Variants in RTN2 observed in about 807,000 individuals in gnomAD.
RTN2 encodes the protein reticulon 2.
In RTN2, 36 loss-of-function variants were observed where a neutral mutation model predicts 63.7. The observed-to-expected ratio is 0.56, with a 90% CI of 0.43 to 0.75. RTN2 has a LOEUF of 0.75. RTN2 is among the 30% of genes least tolerant of loss of function. RTN2 has a pLI of 0.00. For synonymous variants in RTN2, 312 were observed against 313.0 expected, an observed-to-expected ratio of 1.00 and a Z score of 0.03; for missense variants, 673 against 705.1, an observed-to-expected ratio of 0.95 and a Z score of 0.52.
intron 9 of RTN2, among the ~76,000 whole-genome samples, chr19:45,487,003 G>A (rs1306049873): frequency 7.1e-6 from 1 of 140,282 alleles, no homozygotes. Flanking sequence ...CCAAAGCTGG[G>A]ATCACAAGCG....
rs758898982 is a variant in RTN2, at chr19:45,494,140, G to A, written c.814+26C>T. 6.3e-7 allele frequency: 1 copy of A among 1,597,082 alleles called. No individual in the cohort carries two copies. Among genetic ancestry groups the A allele is most frequent in the Non-Finnish European group, 8.5e-7 (1 of 1,177,720 alleles). On this transcript the variant is annotated intron_variant, in intron 4 of 10. Transcript: ENST00000245923. The surrounding 1 kb of genome is among the most constrained non-coding windows in gnomAD (Gnocchi z 5.3). Reference sequence around the variant, plus strand: ...CACCTTTTGCCTTCTGTGGGCCAATGCAGCATCTTCATACACGTTGCTTAC... The same window carrying A: ...CACCTTTTGCCTTCTGTGGGCCAATACAGCATCTTCATACACGTTGCTTAC...
rs201399181 is a variant in RTN2, at chr19:45,490,533, GTC to G, written c.1034-982_1034-981del. Among the ~76,000 whole-genome samples the G allele has an allele frequency of 2.9e-4, 35 of 118,794 alleles. No homozygotes were observed. In the East Asian group the frequency reaches 5.1e-3, roughly 17 times the overall value. 77.9% of individuals were successfully genotyped at this position (118,794 alleles called of 152,430 possible). A position where few individuals can be genotyped will look rare whatever the true frequency, so the allele number is the denominator to read the frequency against. ...GAATTGCTGGGTGGACTGGTTGTGT[GTC>G]TGTGTGTGTGTGTGTGTGTGTGTGT... On this transcript the variant is annotated intron_variant, in intron 5 of 10. Coordinates refer to ENST00000245923, the MANE Select transcript of RTN2 (RefSeq NM_005619.5).
At position 45,494,966 on chromosome 19, in the gene RTN2, G is replaced by A; in HGVS notation, c.119C>T (p.Ala40Val). The A allele has an allele frequency of 6.2e-7, 1 of 1,613,656 alleles. No individual in the cohort carries two copies. The highest frequency in any genetic ancestry group is 1.1e-5 in the South Asian group (1 of 91,082). The change falls in exon 3 of 11, where the codon GCC becomes GTC. Residue 40 changes from alanine (A) to valine (V), a missense_variant. Ala to Val is a moderately conservative substitution (Grantham distance 64, BLOSUM62 0). Coordinates refer to ENST00000245923, the MANE Select transcript of RTN2 (RefSeq NM_005619.5). The surrounding 1 kb of genome is among the most constrained non-coding windows in gnomAD (Gnocchi z 5.3). ...DDSDFRELHT[A>V]REFSEEDEEE... is the part of the protein sequence containing the mutation. Reference sequence around the variant, plus strand: ...CTCGTCCTCCTCTGAGAATTCCCGGGCTGTGTGCAGCTCTCGAAAATCAGA... The same window carrying A: ...CTCGTCCTCCTCTGAGAATTCCCGGACTGTGTGCAGCTCTCGAAAATCAGA...
chr19:45,489,253 G>C (rs1968097277), intron 6 of RTN2, 93 bp downstream of exon 6: 1 of 1,176,812 alleles, frequency 8.5e-7, no homozygotes, highest in African/African-American at 1.5e-5. Context: ...AAGATGAGTC[G>C]GGGTCCGGGT....
At chr19:45,493,499 GC>G in intron 4 of RTN2, 121 bp from the exon 5 acceptor site, 1 of 753,386 alleles carries the variant, frequency 1.3e-6, no homozygotes, top group Non-Finnish European at 2.2e-6. Context: ...TCCCTATGTT[GC>G]CCAGGCTGGT....
In RTN2 at chr19:45,494,857, C is replaced by T. The variant is rs1968239375; in HGVS notation, c.228G>A (p.Gly76=). Residue 76 remains glycine (G), a synonymous_variant, in exon 3 of 11, where the codon GGG becomes GGA. Transcript: ENST00000245923. This position sits in a 1 kb window ranked among gnomAD's most constrained non-coding sequence, Gnocchi z 5.3. ...GGCGGGCAGTTGAATCCCTGCGGCCCCCGGAGCCCACTACACCATCAAAGG... is the reference window on the plus strand; with the variant it reads ...GGCGGGCAGTTGAATCCCTGCGGCCTCCGGAGCCCACTACACCATCAAAGG... ...YIAFDGVVGS[G]GRRDSTARRP... is the part of the protein sequence containing the mutation. 6 of 1,605,820 alleles carry T rather than the reference C, an allele frequency of 3.7e-6. No individual in the cohort carries two copies. Among genetic ancestry groups the T allele is most frequent in the Non-Finnish European group, 5.1e-6 (6 of 1,179,832 alleles).
At chr19:45,495,428 G>C (rs904706243) in intron 1 of RTN2, among the ~76,000 whole-genome samples, 1 of 152,198 alleles carries the variant, frequency 6.6e-6, no homozygotes, top group Admixed American at 6.5e-5. Context: ...CACTGTTCTA[G>C]GTCCTGGGGA....
chr19:45,488,365 C>T, intron 9 of RTN2, 106 bp downstream of exon 9: 1 of 1,184,596 alleles, frequency 8.4e-7, no homozygotes, highest in South Asian at 1.4e-5. Context: ...AGCCAGGACA[C>T]CTGTGTCTGG....
intron 9 of RTN2, 110 bp downstream of exon 9, chr19:45,488,361 G>A (rs557721599): frequency 3.1e-4 from 349 of 1,108,990 alleles, no homozygotes; most frequent in Non-Finnish European, 4.3e-4. Context: ...CTGCAGCCAG[G>A]ACACCTGTGT....
rs45548637 is a variant in RTN2 at position 45,489,286 on chromosome 19, G to A, written c.1241+60C>T. ...GGTGGGAGTCGGTGCCTGATTTGAG[G>A]TCGTGGGTCATGCTTTAGGGTCAGG... is the stretch of plus-strand genomic sequence containing the variant. On this transcript the variant is annotated intron_variant, in intron 6 of 10. Transcript: ENST00000245923. The A allele has an allele frequency of 0.11, 163,866 of 1,479,776 alleles. 9,686 individuals carry two copies. The highest frequency in any genetic ancestry group is 0.16 in the South Asian group (12,954 of 82,502). The allele number at this position is 1,479,776 out of a possible 1,614,324, so 91.7% of individuals were successfully genotyped here.
intron 4 of RTN2, among the ~76,000 whole-genome samples, chr19:45,493,727 A>C (rs1212086892): frequency 6.6e-6 from 1 of 152,240 alleles, no homozygotes; most frequent in East Asian, 1.9e-4. Context: ...GCACTCCAGA[A>C]GAGGGAGGAT....
At position 45,493,146 on chromosome 19, in the gene RTN2, T is replaced by C; in HGVS notation, c.1033+14A>G. On this transcript the variant is annotated intron_variant, in intron 5 of 10. Coordinates refer to ENST00000245923, the MANE Select transcript of RTN2 (RefSeq NM_005619.5). ...CCGACCTCAGCCCCCGTCCAGCCCGTTCCGCAAGCCCACCTTTACTCCCCA... is the reference window on the plus strand; with the variant it reads ...CCGACCTCAGCCCCCGTCCAGCCCGCTCCGCAAGCCCACCTTTACTCCCCA... The C allele has an allele frequency of 6.2e-7, 1 of 1,610,724 alleles. No homozygotes were observed. The highest frequency in any genetic ancestry group is 1.3e-5 in the African/African-American group (1 of 74,918).
chr19:45,494,380 G>C lies in RTN2; in HGVS notation c.600C>G (p.Pro200=), dbSNP rs886386424. 3.7e-6 allele frequency: 6 copies of C among 1,613,822 alleles called. No individual in the cohort carries two copies. Among genetic ancestry groups the C allele is most frequent in the East Asian group, 2.2e-5 (1 of 44,880 alleles). The change falls in exon 4 of 11, where the codon CCC becomes CCG. Residue 200 remains proline (P), a synonymous_variant. Coordinates refer to ENST00000245923, the MANE Select transcript of RTN2 (RefSeq NM_005619.5). The surrounding 1 kb of genome is among the most constrained non-coding windows in gnomAD (Gnocchi z 5.3). ...LRLRLAQPSS[P]EVLTPQLSPG... is the part of the protein sequence containing the mutation. ...GACTGAGCTGGGGAGTCAAGACCTC[G>C]GGCGATGAGGGCTGAGCAAGTCGGA...
chr19:45,495,301 C>G, intron 1 of RTN2, 162 bp from the exon 2 acceptor site: 1 of 747,556 alleles, frequency 1.3e-6, no homozygotes. Context: ...AGCTCAGAGT[C>G]TTTGAAGTCC....
At chr19:45,486,421 G>C (rs1013574918) in intron 9 of RTN2, among the ~76,000 whole-genome samples, 2 of 152,202 alleles carry the variant, frequency 1.3e-5, no homozygotes, top group Non-Finnish European at 2.9e-5. Context: ...GTGTTGTGGG[G>C]TAGGGTGAGA....
chr19:45,489,352 G>A lies in RTN2; in HGVS notation c.1235C>T (p.Pro412Leu). The A allele has an allele frequency of 1.3e-6, 2 of 1,562,838 alleles. No individual in the cohort carries two copies. The highest frequency in any genetic ancestry group is 1.7e-6 in the Non-Finnish European group (2 of 1,153,914). Reference protein sequence around the residue: ...QAVHRGDGANPFQAYLDVDLT... With the variant: ...QAVHRGDGANLFQAYLDVDLT... ...AGGGGCCGGGGGTTCTCACTGGAAAGGGTTGGCTCCATCCCCCCGGTGCAC... is the reference window on the plus strand; with the variant it reads ...AGGGGCCGGGGGTTCTCACTGGAAAAGGTTGGCTCCATCCCCCCGGTGCAC... Residue 412 changes from proline to leucine, a missense_variant, in exon 6 of 11, where the codon CCT becomes CTT. Physicochemically the swap from Pro to Leu is moderately conservative, Grantham distance 98. Transcript: ENST00000245923.
intron 6 of RTN2, 57 bp downstream of exon 6, chr19:45,489,289 G>T: frequency 7.4e-6 from 11 of 1,490,848 alleles, no homozygotes; most frequent in South Asian, 1.2e-5. Context: ...ATTTGAGGTC[G>T]TGGGTCATGC....
At chr19:45,496,169 AT>A (rs1968264573) in intron 1 of RTN2, among the ~76,000 whole-genome samples, 2 of 152,140 alleles carry the variant, frequency 1.3e-5, no homozygotes, top group Admixed American at 6.5e-5. Flanking sequence ...CGGTTTGGAA[AT>A]TGAAATCTGA....
chr19:45,489,852 T>G (rs1968116336), intron 5 of RTN2, among the ~76,000 whole-genome samples: 1 of 151,612 alleles, frequency 6.6e-6, no homozygotes, highest in African/African-American at 2.4e-5. Context: ...AATTTTTGTT[T>G]TTGTTTCTGT....
Sources: allele counts gnomAD v4.1 joint callset (sites outside exome capture counted in the v4.1 genomes callset), GRCh38; gene constraint gnomAD v4.1.1; non-coding constraint Gnocchi (gnomAD v3.1); transcripts MANE v1.5; gene names NCBI Gene and HGNC (gene_info 2026-07-23, HGNC 2026-07-21).